Variants in PCDHGA5 observed in about 807,000 individuals in gnomAD.
PCDHGA5 encodes the protein protocadherin gamma subfamily A, 5.
A neutral mutation model predicts 56.7 loss-of-function variants in PCDHGA5; 36 were observed. The ratio of observed to expected loss-of-function variants is 0.64; its 90% CI spans 0.49 to 0.84. The LOEUF (loss-of-function observed/expected upper bound fraction) is 0.84. Ranked by LOEUF, PCDHGA5 falls within the 40% of genes least tolerant of loss-of-function variation. The pLI is 0.00. For synonymous variants in PCDHGA5, 563 were observed against 520.2 expected (o/e 1.08, Z -1.12); for missense variants, 1,305 against 1,201.5 (o/e 1.09, Z -1.27).
chr5:141,388,756 A>G, intron 1 of PCDHGA5: 1 of 1,613,956 alleles, frequency 6.2e-7, no homozygotes, highest in South Asian at 1.1e-5. Flanking sequence ...ACCCAATTTG[A>G]CCTGAACTCT....
chr5:141,415,815 A>G, intron 1 of PCDHGA5: 1 of 1,337,656 alleles, frequency 7.5e-7, no homozygotes, highest in East Asian at 2.7e-5. Context: ...AGGCCTATAT[A>G]TCATAAGGCT....
chr5:141,383,377 C>G (rs527434740), intron 1 of PCDHGA5: 1 of 1,614,010 alleles, frequency 6.2e-7, no homozygotes, highest in African/African-American at 1.3e-5. Context: ...GGCTGGGGAT[C>G]CAGATGTGGG....
At chr5:141,383,174 G>A in intron 1 of PCDHGA5, 6 of 1,614,084 alleles carry the variant, frequency 3.7e-6, no homozygotes, top group South Asian at 2.2e-5. Flanking sequence ...AGGATAGACC[G>A]GGAAGAGATC....
intron 1 of PCDHGA5, among the ~76,000 whole-genome samples, chr5:141,445,945 C>G (rs1433543714): frequency 1.3e-5 from 2 of 152,254 alleles, no homozygotes; most frequent in Non-Finnish European, 2.9e-5. Flanking sequence ...TAAGCTTACT[C>G]TGGCTGCTAT....
intron 1 of PCDHGA5, chr5:141,384,675 G>A: frequency 6.2e-7 from 1 of 1,614,216 alleles, no homozygotes; most frequent in Non-Finnish European, 8.5e-7. Flanking sequence ...CCAAGGTGGT[G>A]GCGGTGGACA....
chr5:141,436,877 A>G (rs2097851127), intron 1 of PCDHGA5, among the ~76,000 whole-genome samples: 1 of 152,252 alleles, frequency 6.6e-6, no homozygotes, highest in Admixed American at 6.5e-5. Flanking sequence ...AGGCCATAAA[A>G]GATGGGGGAA....
chr5:141,412,040 G>A (rs1046669003), intron 1 of PCDHGA5: 1 of 152,230 alleles, frequency 6.6e-6, no homozygotes, highest in African/African-American at 2.4e-5. Flanking sequence ...TGTGAAAGAA[G>A]TGAACTTCTA....
In PCDHGA5 at chr5:141,476,784, C is replaced by A; in HGVS notation, c.2422-18023C>A. 1 of 1,613,520 alleles carries A rather than the reference C, an allele frequency of 6.2e-7. No homozygotes were observed. On this transcript the variant is annotated intron_variant, in intron 1 of 3. Transcript: ENST00000518069. The surrounding 1 kb of genome is among the most constrained non-coding windows in gnomAD (Gnocchi z 7.6). ...ACGGCGTTGGACGGAGGGACCCCAGCTCTCTCCGCCAGCCTGCCTATTCAC... is the reference window on the plus strand; with the variant it reads ...ACGGCGTTGGACGGAGGGACCCCAGATCTCTCCGCCAGCCTGCCTATTCAC...
chr5:141,372,316 G>T, intron 1 of PCDHGA5: 1 of 1,613,524 alleles, frequency 6.2e-7, no homozygotes, highest in East Asian at 2.2e-5. Flanking sequence ...GCCCGCCAGC[G>T]CCTGCTGGTC....
rs371130763 is a variant in PCDHGA5 at position 141,432,970 on chromosome 5, G to A, written c.2422-61837G>A. The A allele has an allele frequency of 5.0e-6, 8 of 1,613,996 alleles. No homozygotes were observed. Among genetic ancestry groups the A allele is most frequent in the East Asian group, 4.5e-5 (2 of 44,868 alleles). ...GAGGCGGCTTGACAGGAGCGCCGGC[G>A]TCGCACTTTGTGGGCGTGGACGGGG... On this transcript the variant is annotated intron_variant, in intron 1 of 3. Transcript: ENST00000518069. The surrounding 1 kb of genome is among the most constrained non-coding windows in gnomAD (Gnocchi z 6.0).
At chr5:141,509,887 T>C (rs138950510) in intron 3 of PCDHGA5, among the ~76,000 whole-genome samples, 1 of 152,314 alleles carries the variant, frequency 6.6e-6, no homozygotes, top group East Asian at 1.9e-4. Flanking sequence ...TGATGGTGAC[T>C]GACTGTCCCT....
rs1317699369 is a variant in PCDHGA5 at position 141,477,408 on chromosome 5, A to G, written c.2422-17399A>G. The G allele has an allele frequency of 6.2e-7, 1 of 1,614,098 alleles. No homozygotes were observed. ...TACAACCTCAGCATCACCGCCCGAG[A>G]CGCCGGAACCCCTTCCCTCTCAGCC... On this transcript the variant is annotated intron_variant, in intron 1 of 3. Transcript: ENST00000518069. This position sits in a 1 kb window ranked among gnomAD's most constrained non-coding sequence, Gnocchi z 4.9.
intron 1 of PCDHGA5, chr5:141,376,039 C>T (rs1772194852): frequency 7.4e-6 from 12 of 1,613,226 alleles, no homozygotes; most frequent in Non-Finnish European, 1.0e-5. Context: ...ACGGCCAGCC[C>T]CCTCTCTCCG....
In PCDHGA5 at chr5:141,477,013, T is replaced by A. The variant is rs1285961519; in HGVS notation, c.2422-17794T>A. On this transcript the variant is annotated intron_variant, in intron 1 of 3. Coordinates refer to ENST00000518069, the MANE Select transcript of PCDHGA5 (RefSeq NM_018918.3). This position sits in a 1 kb window ranked among gnomAD's most constrained non-coding sequence, Gnocchi z 4.9. ...TGCGGCAACTATTCGCCTTAGACCT[T>A]GTAACCGGGATGCTGACAATCAAGG... is the stretch of plus-strand genomic sequence containing the variant. 6.2e-7 allele frequency: 1 copy of A among 1,614,204 alleles called. No individual in the cohort carries two copies. The highest frequency in any genetic ancestry group is 2.2e-5 in the East Asian group (1 of 44,878).
rs770283696 is a variant in PCDHGA5, at chr5:141,385,127, T to G, written c.2421+18376T>G. On this transcript the variant is annotated intron_variant, in intron 1 of 3. Transcript: ENST00000518069. ...GTGCCCACCTCGCACTTTGTGGGCA[T>G]GGACGGGGTGCAGGCTTTCCTGCAG... is the stretch of plus-strand genomic sequence containing the variant. 6.2e-6 allele frequency: 10 copies of G among 1,614,222 alleles called. No individual in the cohort carries two copies. The South Asian group carries it at 7.7e-5, about 12-fold the overall frequency.
intron 1 of PCDHGA5, chr5:141,415,733 T>C: frequency 7.1e-7 from 1 of 1,407,484 alleles, no homozygotes; most frequent in Non-Finnish European, 9.3e-7. Context: ...ATTTGATGTT[T>C]ATTAAGGTTT....
rs898536568 is a variant in PCDHGA5 at position 141,478,080 on chromosome 5, C to T, written c.2422-16727C>T. The T allele has an allele frequency of 1.9e-6, 3 of 1,614,012 alleles. No homozygotes were observed. The Admixed American group carries it at 5.0e-5, about 27-fold the overall frequency. The stretch of plus-strand genomic sequence containing the variant: ...TTGATCAAAGACAATGGGGAGCCTT[C>T]GCTCTCCACCACTGCTACCCTCACT... On this transcript the variant is annotated intron_variant, in intron 1 of 3. Coordinates refer to ENST00000518069, the MANE Select transcript of PCDHGA5 (RefSeq NM_018918.3).
intron 1 of PCDHGA5, chr5:141,419,522 C>T (rs781128524): frequency 1.5e-5 from 24 of 1,612,178 alleles, no homozygotes; most frequent in Non-Finnish European, 1.9e-5. Flanking sequence ...GGTGGGCGAC[C>T]GTAACGACAA....
intron 1 of PCDHGA5, chr5:141,422,608 T>A: frequency 5.0e-6 from 8 of 1,613,956 alleles, no homozygotes; most frequent in Non-Finnish European, 5.1e-6. Context: ...TTACTCTGCC[T>A]ACATTCCCGA....
Sources: gnomAD v4.1 joint callset for allele counts (sites outside exome capture counted in the v4.1 genomes callset) on GRCh38, gnomAD v4.1.1 for gene constraint, Gnocchi (gnomAD v3.1) non-coding constraint, MANE v1.5 for transcripts, NCBI Gene and HGNC (gene_info 2026-07-23, HGNC 2026-07-21) for gene names.